LIMS1: variants seen among roughly 807,000 people sequenced by gnomAD.
LIMS1 encodes LIM and senescent cell antigen-like-containing domain protein 1.
A neutral mutation model predicts 44.1 loss-of-function variants in LIMS1; 18 were observed. That is an observed-to-expected ratio of 0.41 (90% CI 0.28 to 0.61). LIMS1 has a LOEUF of 0.61. Ranked by LOEUF, LIMS1 falls within the 20% of genes least tolerant of loss-of-function variation. LIMS1 has a pLI of 0.32. For missense variants in LIMS1, 201 were observed against 422.0 expected (o/e 0.48, Z 4.59); for synonymous variants, 93 against 149.1 (o/e 0.62, Z 2.74).
chr2:108,565,406 T>C (rs1685262037), intron 1 of LIMS1, among the ~76,000 whole-genome samples: 1 of 152,176 alleles, frequency 6.6e-6, no homozygotes, highest in Non-Finnish European at 1.5e-5. Context: ...TCTATCTTAG[T>C]TGGAGTAAGA....
intron 1 of LIMS1, among the ~76,000 whole-genome samples, chr2:108,619,040 C>T (rs1214197862): frequency 1.3e-5 from 2 of 152,044 alleles, no homozygotes; most frequent in Non-Finnish European, 2.9e-5. Flanking sequence ...TGCTCTCCCC[C>T]GCCCCGTCTA....
chr2:108,603,928 AT>A (rs1208288425), intron 1 of LIMS1, among the ~76,000 whole-genome samples: 1 of 151,766 alleles, frequency 6.6e-6, no homozygotes, highest in African/African-American at 2.4e-5. Flanking sequence ...TTGTTAGGTT[AT>A]TTATTTGAAG....
chr2:108,623,062 T>G (rs1403152132), intron 1 of LIMS1, among the ~76,000 whole-genome samples: 2 of 147,188 alleles, frequency 1.4e-5, no homozygotes, highest in East Asian at 4.0e-4. Flanking sequence ...TAAAGAGAAA[T>G]ATTTTGTCAC....
chr2:108,633,135 C>G (rs1266477400), intron 1 of LIMS1, among the ~76,000 whole-genome samples: 1 of 152,214 alleles, frequency 6.6e-6, no homozygotes, highest in Non-Finnish European at 1.5e-5. Flanking sequence ...TATTCCTGCT[C>G]TTCTGTCCCT....
At chr2:108,644,713 A>T (rs1222671043) in intron 1 of LIMS1, among the ~76,000 whole-genome samples, 3 of 152,100 alleles carry the variant, frequency 2.0e-5, no homozygotes, top group African/African-American at 7.2e-5. Flanking sequence ...AGCTAAAGGA[A>T]CATGTGCTAA....
chr2:108,548,096 C>G (rs1451759638), intron 1 of LIMS1, among the ~76,000 whole-genome samples: 1 of 152,126 alleles, frequency 6.6e-6, no homozygotes, highest in African/African-American at 2.4e-5. Context: ...TCGCACTTAG[C>G]CCATTTCAGG....
chr2:108,620,899 G>A (rs1315465261), intron 1 of LIMS1, among the ~76,000 whole-genome samples: 2 of 151,962 alleles, frequency 1.3e-5, no homozygotes, highest in African/African-American at 4.8e-5. Flanking sequence ...ATAACCAGGC[G>A]GTTCTTTAAA....
chr2:108,566,901 G>A (rs11123707), intron 1 of LIMS1, among the ~76,000 whole-genome samples: 55,100 of 151,968 alleles, frequency 0.36, 11,860 homozygotes, highest in East Asian at 0.88. Context: ...CTGGCCCATC[G>A]TAACACTTTT....
At chr2:108,643,399 G>A (rs1375768377) in intron 1 of LIMS1, among the ~76,000 whole-genome samples, 1 of 152,224 alleles carries the variant, frequency 6.6e-6, no homozygotes, top group East Asian at 1.9e-4. Context: ...CAAGGGGTTG[G>A]GGAACTCCCT....
At chr2:108,580,274 C>T (rs551253539) in intron 1 of LIMS1, among the ~76,000 whole-genome samples, 42 of 152,258 alleles carry the variant, frequency 2.8e-4, no homozygotes, top group African/African-American at 1.0e-3. Flanking sequence ...AGTCTCTACT[C>T]AGATTTCTAG....
intron 1 of LIMS1, among the ~76,000 whole-genome samples, chr2:108,600,786 A>G (rs1314027386): frequency 6.6e-6 from 1 of 152,200 alleles, no homozygotes; most frequent in Middle Eastern, 3.2e-3. Context: ...CTCCAGTATA[A>G]TTGGAAATCC....
At chr2:108,584,472 G>C (rs1175320229) in intron 1 of LIMS1, among the ~76,000 whole-genome samples, 1 of 151,782 alleles carries the variant, frequency 6.6e-6, no homozygotes, top group Non-Finnish European at 1.5e-5. Flanking sequence ...ATAGGCCTCA[G>C]TTTAGCTAAA....
intron 1 of LIMS1, among the ~76,000 whole-genome samples, chr2:108,574,299 T>C (rs916189930): frequency 1.3e-5 from 2 of 152,188 alleles, no homozygotes; most frequent in African/African-American, 2.4e-5. Flanking sequence ...GAAAAAGGCA[T>C]TGCTTTTGTT....
intron 1 of LIMS1, among the ~76,000 whole-genome samples, chr2:108,635,900 C>T (rs1293160153): frequency 3.9e-5 from 6 of 152,242 alleles, no homozygotes; most frequent in South Asian, 2.1e-4. Flanking sequence ...GGAGAAAGAG[C>T]CCAAAAGGTC....
chr2:108,578,059 G>A (rs557081316), intron 1 of LIMS1, among the ~76,000 whole-genome samples: 7 of 152,114 alleles, frequency 4.6e-5, no homozygotes, highest in South Asian at 2.1e-4. Flanking sequence ...ATAGATGTCC[G>A]CCACTGCGCC....
intron 1 of LIMS1, among the ~76,000 whole-genome samples, chr2:108,637,195 A>C (rs1689337235): frequency 6.8e-6 from 1 of 148,120 alleles, no homozygotes; most frequent in Non-Finnish European, 1.5e-5. Flanking sequence ...AATGCTGTTT[A>C]ATGCAGTAAA....
At chr2:108,641,982 A>G (rs1263386358) in intron 1 of LIMS1, among the ~76,000 whole-genome samples, 2 of 152,192 alleles carry the variant, frequency 1.3e-5, no homozygotes, top group Non-Finnish European at 2.9e-5. Context: ...CCATTTGAGC[A>G]GGATAGAGGA....
intron 1 of LIMS1, among the ~76,000 whole-genome samples, chr2:108,569,255 A>G (rs1053559262): frequency 6.6e-6 from 1 of 152,140 alleles, no homozygotes; most frequent in Admixed American, 6.5e-5. Context: ...TCATCCATTC[A>G]TGATTTGCAA....
rs567673797 is a variant in LIMS1 at position 108,546,671 on chromosome 2, G to C, written c.32+12077G>C. Among the ~76,000 whole-genome samples, 34 of 121,074 alleles carry C rather than the reference G, an allele frequency of 2.8e-4. No homozygotes were observed. The South Asian group carries it at 0.011, about 38-fold the overall frequency. 79.4% of individuals were successfully genotyped at this position (121,074 alleles called of 152,430 possible). On this transcript the variant is annotated intron_variant, in intron 1 of 9. Transcript: ENST00000544547. ...ATTCTCTAGCGAGCCTGTCTAATTT[G>C]AGTGATCTTTTTTTTTTTTTTTAAA...
Sources: gnomAD v4.1 joint callset for allele counts (sites outside exome capture counted in the v4.1 genomes callset) on GRCh38, gnomAD v4.1.1 for gene constraint, MANE v1.5 for transcripts, NCBI Gene and HGNC (gene_info 2026-07-23, HGNC 2026-07-21) for gene names.